CACNB4: variants seen among roughly 807,000 people sequenced by gnomAD.
CACNB4 encodes voltage-dependent L-type calcium channel subunit beta-4.
In CACNB4, 32 loss-of-function variants were observed where a neutral mutation model predicts 71.2. The observed-to-expected ratio is 0.45, with a 90% CI of 0.34 to 0.60. The LOEUF (loss-of-function observed/expected upper bound fraction) is 0.60, where lower values mean the gene tolerates loss of function less well. Among genes scored for constraint, CACNB4 ranks in the 20% least tolerant of loss-of-function variants. CACNB4 has a pLI of 0.01. For missense variants in CACNB4, 464 were observed against 647.9 expected (o/e 0.72, Z 3.08); for synonymous variants, 231 against 236.9 (o/e 0.97, Z 0.23).
rs1031237365 is a variant in CACNB4, at chr2:151,832,953, A to C, written c.*6166T>G. 6.6e-6 allele frequency: 1 copy of C among 152,180 alleles called. No individual in the cohort carries two copies. The highest frequency in any genetic ancestry group is 2.4e-5 in the African/African-American group (1 of 41,474). 9.4% of individuals were successfully genotyped at this position (152,180 alleles called of 1,614,324 possible). A position where few individuals can be genotyped will look rare whatever the true frequency, so the allele number is the denominator to read the frequency against. ...CACGTTTTTTTCTTTAAAGCCACTA[A>C]AGCAGAGGGAGAACAAAACATGCAG... is the stretch of plus-strand genomic sequence containing the variant. On this transcript the variant is annotated 3_prime_UTR_variant, in exon 14 of 14. Transcript: ENST00000539935.
chr2:152,010,958 A>G (rs1016228939), intron 2 of CACNB4, among the ~76,000 whole-genome samples: 1 of 152,164 alleles, frequency 6.6e-6, no homozygotes, highest in Non-Finnish European at 1.5e-5. Context: ...TTACAAGGAG[A>G]TATGACTGCT....
chr2:152,036,077 A>G (rs1416547333), intron 2 of CACNB4, among the ~76,000 whole-genome samples: 2 of 152,228 alleles, frequency 1.3e-5, no homozygotes, highest in East Asian at 3.8e-4. Flanking sequence ...AAGATACTGC[A>G]TGATTCCACT....
intron 2 of CACNB4, among the ~76,000 whole-genome samples, chr2:151,966,251 C>T (rs1346047762): frequency 6.7e-6 from 1 of 150,152 alleles, no homozygotes; most frequent in Non-Finnish European, 1.5e-5. Context: ...TTCCCAACTC[C>T]CAGCGTTCTT....
chr2:152,068,008 A>G (rs551369956), intron 2 of CACNB4, among the ~76,000 whole-genome samples: 57 of 152,220 alleles, frequency 3.7e-4, no homozygotes, highest in Non-Finnish European at 6.0e-4. Context: ...GACAGTGTTT[A>G]GGTTGACTCA....
chr2:152,004,778 G>A (rs565927342), intron 2 of CACNB4, among the ~76,000 whole-genome samples: 1 of 152,292 alleles, frequency 6.6e-6, no homozygotes, highest in Admixed American at 6.5e-5. Context: ...GAGGCACTGT[G>A]GCAACCAGGT....
intron 2 of CACNB4, among the ~76,000 whole-genome samples, chr2:152,059,731 T>G (rs1287099319): frequency 1.3e-5 from 2 of 152,204 alleles, no homozygotes; most frequent in Non-Finnish European, 2.9e-5. Context: ...AAGGCATGAT[T>G]TGTGTTTTGC....
intron 9 of CACNB4, chr2:151,866,744 A>G (rs1234744718): frequency 1.3e-5 from 2 of 151,944 alleles, no homozygotes; most frequent in Non-Finnish European, 2.9e-5. Flanking sequence ...TTTAATATCT[A>G]CCTATCTTTC....
chr2:152,055,295 A>C (rs1685668094), intron 2 of CACNB4, among the ~76,000 whole-genome samples: 1 of 152,214 alleles, frequency 6.6e-6, no homozygotes, highest in South Asian at 2.1e-4. Flanking sequence ...TACAGGTGTG[A>C]GCCACCATGC....
chr2:151,924,180 G>A (rs2099859664), intron 2 of CACNB4, among the ~76,000 whole-genome samples: 2 of 142,528 alleles, frequency 1.4e-5, no homozygotes. Flanking sequence ...CCGGGTTCAT[G>A]CCATTCTCCT....
Position 152,012,245 on chromosome 2 carries a change from T to C in CACNB4, c.147+86085A>G, listed in dbSNP as rs115731231. On this transcript the variant is annotated intron_variant, in intron 2 of 13. Coordinates refer to ENST00000539935, the MANE Select transcript of CACNB4 (RefSeq NM_000726.5). ...CTTCCAGTGCGAAAAGATGTGGAGATGGAAGACAGCGAGACTGATGAGCCT... is the reference window on the plus strand; with the variant it reads ...CTTCCAGTGCGAAAAGATGTGGAGACGGAAGACAGCGAGACTGATGAGCCT... 4.6e-3 allele frequency among the ~76,000 whole-genome samples: 701 copies of C among 152,248 alleles called. 10 individuals are homozygous for C. The highest frequency in any genetic ancestry group is 0.016 in the African/African-American group (648 of 41,534).
Position 151,840,164 on chromosome 2 carries a change from T to A in CACNB4, c.1303-785A>T, listed in dbSNP as rs77328259. Among the ~76,000 whole-genome samples, 521 of 152,334 alleles carry A rather than the reference T, an allele frequency of 3.4e-3. 9 individuals are homozygous for A. The highest frequency in any genetic ancestry group is 2.4e-3 in the Non-Finnish European group (166 of 68,028). ...TGTCTACTGGTTTAGGTAGGTCACA[T>A]CAGTTAAGGCACAGGATCCTGCTGA... is the stretch of plus-strand genomic sequence containing the variant. On this transcript the variant is annotated intron_variant, in intron 13 of 13. Transcript: ENST00000539935.
intron 2 of CACNB4, among the ~76,000 whole-genome samples, chr2:151,988,695 G>A (rs1681516080): frequency 1.3e-5 from 2 of 152,142 alleles, no homozygotes; most frequent in Non-Finnish European, 2.9e-5. Context: ...TCCTTGAGTG[G>A]TAGAGAGAGG....
chr2:151,918,812 CA>C (rs2099858197), intron 2 of CACNB4, among the ~76,000 whole-genome samples: 1 of 152,234 alleles, frequency 6.6e-6, no homozygotes, highest in African/African-American at 2.4e-5. Context: ...GCAGAACTGA[CA>C]AAGGCAGCAC....
intron 2 of CACNB4, among the ~76,000 whole-genome samples, chr2:151,963,311 C>CAAAA (rs71410446): frequency 9.9e-5 from 6 of 60,372 alleles, no homozygotes; most frequent in African/African-American, 1.8e-4. Context: ...GACACCGTCT[C>CAAAA]AAAAAAAAAA....
intron 8 of CACNB4, 137 bp downstream of exon 8, chr2:151,870,394 T>C (rs976954393): frequency 1.4e-6 from 1 of 736,144 alleles, no homozygotes; most frequent in African/African-American, 1.7e-5. Flanking sequence ...CCCCACACGG[T>C]ACCCCCTGCC....
At chr2:151,993,117 A>T (rs1159873128) in intron 2 of CACNB4, among the ~76,000 whole-genome samples, 1 of 151,226 alleles carries the variant, frequency 6.6e-6, no homozygotes, top group Admixed American at 6.6e-5. Context: ...ATCTTGAATA[A>T]GGTCAGAGTC....
At chr2:152,047,235 C>G (rs371962523) in intron 2 of CACNB4, among the ~76,000 whole-genome samples, 1 of 152,128 alleles carries the variant, frequency 6.6e-6, no homozygotes, top group Non-Finnish European at 1.5e-5. Context: ...TTCAGAAACC[C>G]AAACCCTTAC....
chr2:151,853,705 C>A, intron 11 of CACNB4, 162 bp from the exon 12 acceptor site: 1 of 512,330 alleles, frequency 2.0e-6, no homozygotes. Flanking sequence ...CATCTGCTTA[C>A]ATTGGCTCTC....
At chr2:152,080,857 G>C (rs540101484) in intron 2 of CACNB4, among the ~76,000 whole-genome samples, 1 of 152,144 alleles carries the variant, frequency 6.6e-6, no homozygotes, top group Non-Finnish European at 1.5e-5. Flanking sequence ...TGCGAGATCT[G>C]GTTTTTTAAA....
Sources: gnomAD v4.1 joint callset for allele counts (sites outside exome capture counted in the v4.1 genomes callset) on GRCh38, gnomAD v4.1.1 for gene constraint, MANE v1.5 for transcripts, NCBI Gene and HGNC (gene_info 2026-07-23, HGNC 2026-07-21) for gene names.